The following SERPINE2 variants were observed in gnomAD, a reference collection of about 807,000 sequenced individuals.
The protein encoded by SERPINE2 is glia-derived nexin.
A neutral mutation model predicts 36.3 loss-of-function variants in SERPINE2; 14 were observed. The ratio of observed to expected loss-of-function variants is 0.39; its 90% CI spans 0.25 to 0.60. The LOEUF is 0.60. SERPINE2 is among the 20% of genes least tolerant of loss of function. SERPINE2 has a pLI of 0.57. For missense variants in SERPINE2, 418 were observed against 499.6 expected (o/e 0.84, Z 1.56); for synonymous variants, 192 against 191.8 (o/e 1.00, Z -0.01).
At chr2:224,000,173 C>G (rs990260437) in intron 2 of SERPINE2, among the ~76,000 whole-genome samples, 3 of 152,190 alleles carry the variant, frequency 2.0e-5, no homozygotes, top group African/African-American at 7.2e-5. Flanking sequence ...AACTTTCGGG[C>G]CAGCCTGGGT....
intron 5 of SERPINE2, 62 bp from the exon 6 acceptor site, chr2:223,982,843 T>C: frequency 8.6e-7 from 1 of 1,158,090 alleles, no homozygotes; most frequent in Non-Finnish European, 1.3e-6. Context: ...CATGATAGAG[T>C]CGGTGCATGT....
chr2:223,988,294 A>G (rs60433111), intron 4 of SERPINE2, among the ~76,000 whole-genome samples: 44,204 of 152,046 alleles, frequency 0.29, 7,942 homozygotes, highest in African/African-American at 0.49. Flanking sequence ...TCAGACTCCC[A>G]AACAGCTGGG....
At chr2:224,000,507 C>T (rs1488116760) in intron 2 of SERPINE2, among the ~76,000 whole-genome samples, 1 of 152,152 alleles carries the variant, frequency 6.6e-6, no homozygotes, top group Non-Finnish European at 1.5e-5. Flanking sequence ...CTCTCTCTCT[C>T]TACGTATCTA....
chr2:224,001,719 A>C lies in SERPINE2; in HGVS notation c.182T>G (p.Val61Gly), dbSNP rs777172901. The C allele has an allele frequency of 3.1e-6, 5 of 1,614,190 alleles. No homozygotes were observed. In the Admixed American group the frequency reaches 5.0e-5, roughly 16 times the overall value. ...CGCCCCCAGCTGAAGCATCCCCAGG[A>C]CCGACGCAATCCCATGGGGAGAGAT... ...IVISPHGIAS[V>G]LGMLQLGADG... Residue 61 changes from valine (V) to glycine (G), a missense_variant, in exon 2 of 9, where the codon GTC (valine) becomes GGC (glycine). Coordinates refer to ENST00000409304, the MANE Select transcript of SERPINE2 (RefSeq NM_001136528.2).
At chr2:223,999,809 T>C (rs1483700947) in intron 2 of SERPINE2, among the ~76,000 whole-genome samples, 1 of 152,168 alleles carries the variant, frequency 6.6e-6, no homozygotes, top group African/African-American at 2.4e-5. Flanking sequence ...TTTGGAACTG[T>C]CTCGGCCGAC....
At chr2:224,015,192 C>G (rs181328213) in intron 1 of SERPINE2, among the ~76,000 whole-genome samples, 60 of 152,318 alleles carry the variant, frequency 3.9e-4, no homozygotes, top group Non-Finnish European at 7.9e-4. Context: ...TTGGGGAAGC[C>G]TGGTCTAGAG....
intron 1 of SERPINE2, among the ~76,000 whole-genome samples, chr2:224,010,084 C>G (rs1034366854): frequency 3.9e-5 from 6 of 152,140 alleles, no homozygotes; most frequent in Non-Finnish European, 8.8e-5. Context: ...TAAAGTACAT[C>G]TTGGTTATCC....
chr2:223,977,542 A>C lies in SERPINE2; in HGVS notation c.1156+2T>G. ...GCATGATGGAAGAGGAGAGTCACTT[A>C]CCTGTAGGATTATGTCGGATGAAAA... On this transcript the variant is annotated splice_donor_variant, in intron 8 of 8. Transcript: ENST00000409304. LOFTEE classifies it high-confidence loss of function. 1 of 1,590,108 alleles carries C rather than the reference A, an allele frequency of 6.3e-7. No homozygotes were observed. Among genetic ancestry groups the C allele is most frequent in the Non-Finnish European group, 8.6e-7 (1 of 1,158,242 alleles).
At chr2:224,017,379 G>C (rs1049668386) in intron 1 of SERPINE2, among the ~76,000 whole-genome samples, 1 of 152,004 alleles carries the variant, frequency 6.6e-6, no homozygotes, top group Admixed American at 6.5e-5. Context: ...CCTTAAGACA[G>C]ATCTTTTTAT....
chr2:223,981,103 G>A (rs925822259), intron 6 of SERPINE2: 2 of 152,258 alleles, frequency 1.3e-5, no homozygotes, highest in African/African-American at 4.8e-5. Context: ...ATATTAGTCT[G>A]GATGGGACAT....
In SERPINE2 at chr2:223,976,424, T is replaced by C. The variant is rs375557084; in HGVS notation, c.1157-520A>G. Among the ~76,000 whole-genome samples the C allele has an allele frequency of 5.9e-5, 9 of 152,242 alleles. No individual in the cohort carries two copies. The East Asian group carries it at 1.4e-3, about 23-fold the overall frequency. ...GCCTTGGCCTCCCAAAGTGCTGGGATTACAGGCATAAGCCACCGCACCCAA... is the reference window on the plus strand; with the variant it reads ...GCCTTGGCCTCCCAAAGTGCTGGGACTACAGGCATAAGCCACCGCACCCAA... On this transcript the variant is annotated intron_variant, in intron 8 of 8. Transcript: ENST00000409304.
At chr2:224,012,520 G>A (rs1012204535) in intron 1 of SERPINE2, among the ~76,000 whole-genome samples, 17 of 151,258 alleles carry the variant, frequency 1.1e-4, no homozygotes, top group African/African-American at 3.4e-4. Context: ...GGAGAATGGC[G>A]TGAACCCAGG....
intron 1 of SERPINE2, chr2:224,038,686 A>T: frequency 1.5e-6 from 1 of 651,666 alleles, no homozygotes; most frequent in Non-Finnish European, 2.8e-6. Context: ...CGCGCAGCCT[A>T]AGTCCGGGGT....
At position 223,986,473 on chromosome 2, in the gene SERPINE2, G is replaced by A. The variant is rs187916872; in HGVS notation, c.686-1523C>T. 2.8e-3 allele frequency among the ~76,000 whole-genome samples: 427 copies of A among 152,058 alleles called. 4 individuals carry two copies. Among genetic ancestry groups the A allele is most frequent in the Middle Eastern group, 0.017 (5 of 294 alleles). ...ATAACAAAATGGTCTCAGCAGAAAC[G>A]GAAAAATCAATGGGAAAGTGAGAAA... On this transcript the variant is annotated intron_variant, in intron 4 of 8. Coordinates refer to ENST00000409304, the MANE Select transcript of SERPINE2 (RefSeq NM_001136528.2).
rs138954857 is a variant in SERPINE2 at position 224,001,690 on chromosome 2, C to T, written c.211G>A (p.Gly71Ser). ...ATGGCGAGCTGCTTCTTGGTCCTGC[C>T]GTCCGCCCCCAGCTGAAGCATCCCC... Reference protein sequence around the residue: ...VLGMLQLGADGRTKKQLAMVM... With the variant: ...VLGMLQLGADSRTKKQLAMVM... Residue 71 changes from glycine (G) to serine (S), a missense_variant, in exon 2 of 9, where the codon GGC becomes AGC. Physicochemically the swap from Gly to Ser is moderately conservative, Grantham distance 56 (BLOSUM62 0). Transcript: ENST00000409304. 41 of 1,614,130 alleles carry T rather than the reference C, an allele frequency of 2.5e-5. No homozygotes were observed. The highest frequency in any genetic ancestry group is 1.2e-4 in the African/African-American group (9 of 75,038).
intron 1 of SERPINE2, among the ~76,000 whole-genome samples, chr2:224,038,263 C>T (rs1003983000): frequency 8.5e-5 from 13 of 152,082 alleles, no homozygotes; most frequent in Admixed American, 5.2e-4. Context: ...ACGTCCCCTG[C>T]AAAGTAGCCA....
chr2:224,001,884 G>T lies in SERPINE2; in HGVS notation c.17C>A (p.Pro6His). Residue 6 changes from proline to histidine, a missense_variant, in exon 2 of 9, where the codon CCC becomes CAC. Transcript: ENST00000409304. ...CGTCACAGAGGCCAAGAGGAAGAGG[G>T]GGAGATGCCAGTTCATGGTTCCTTC... is the stretch of plus-strand genomic sequence containing the variant. MNWHL[P>H]LFLLASVTLP... 1 of 1,613,112 alleles carries T rather than the reference G, an allele frequency of 6.2e-7. No homozygotes were observed.
chr2:223,984,287 A>G (rs1171242449), intron 5 of SERPINE2, among the ~76,000 whole-genome samples: 1 of 152,214 alleles, frequency 6.6e-6, no homozygotes, highest in Non-Finnish European at 1.5e-5. Flanking sequence ...TCTTACTCTT[A>G]GGGTATAATA....
intron 4 of SERPINE2, among the ~76,000 whole-genome samples, chr2:223,985,495 A>G (rs960251462): frequency 9.2e-5 from 14 of 152,286 alleles, no homozygotes; most frequent in African/African-American, 2.9e-4. Context: ...GAATCCCAAC[A>G]TGGTGCAATT....
Sources: allele counts gnomAD v4.1 joint callset (sites outside exome capture counted in the v4.1 genomes callset), GRCh38; gene constraint gnomAD v4.1.1; transcripts MANE v1.5; gene names NCBI Gene and HGNC (gene_info 2026-07-23, HGNC 2026-07-21).